CRACDL: variants seen among roughly 807,000 people sequenced by gnomAD.
CRACDL encodes CRACD-like protein.
In CRACDL, 26 loss-of-function variants were observed where a neutral mutation model predicts 70.6. The ratio of observed to expected loss-of-function variants is 0.37; its 90% CI spans 0.27 to 0.51. The LOEUF (loss-of-function observed/expected upper bound fraction) is 0.51. Among genes scored for constraint, CRACDL ranks in the 20% least tolerant of loss-of-function variants. The pLI, the probability that CRACDL is intolerant of heterozygous loss-of-function variation, is 0.94. For missense variants in CRACDL, 1,283 were observed against 1,376.9 expected (o/e 0.93, Z 1.08); for synonymous variants, 618 against 615.2 (o/e 1.00, Z -0.07).
At chr2:98,919,662 A>G (rs745744244) in intron 1 of CRACDL, among the ~76,000 whole-genome samples, 3 of 152,220 alleles carry the variant, frequency 2.0e-5, no homozygotes. Context: ...TAGTAACCAG[A>G]TATATTAACT....
chr2:98,835,667 G>A (rs113824685), intron 3 of CRACDL, among the ~76,000 whole-genome samples: 13 of 152,280 alleles, frequency 8.5e-5, no homozygotes, highest in African/African-American at 2.2e-4. Context: ...AGGGGGCCAC[G>A]TCATTACTCT....
chr2:98,929,492 A>G (rs1709017678), intron 1 of CRACDL, among the ~76,000 whole-genome samples: 1 of 152,168 alleles, frequency 6.6e-6, no homozygotes, highest in South Asian at 2.1e-4. Flanking sequence ...CTCTCTGGTC[A>G]TGTCTCTGTC....
At chr2:98,815,458 A>G (rs1472457777) in intron 7 of CRACDL, among the ~76,000 whole-genome samples, 12 of 152,208 alleles carry the variant, frequency 7.9e-5, no homozygotes, top group Non-Finnish European at 1.5e-4. Flanking sequence ...TAGAAAGCCA[A>G]GGTTTAGCCT....
chr2:98,831,168 A>C (rs1705526614), intron 5 of CRACDL, among the ~76,000 whole-genome samples: 1 of 152,070 alleles, frequency 6.6e-6, no homozygotes, highest in Admixed American at 6.5e-5. Context: ...CTGTCCTCAG[A>C]CCCTGCTCCT....
intron 5 of CRACDL, among the ~76,000 whole-genome samples, chr2:98,831,638 T>A (rs985643968): frequency 2.6e-5 from 4 of 152,204 alleles, no homozygotes; most frequent in African/African-American, 9.7e-5. Context: ...GCAAGTACAG[T>A]GTATGGGCAT....
chr2:98,898,169 G>C (rs908782209), intron 1 of CRACDL, among the ~76,000 whole-genome samples: 3 of 152,222 alleles, frequency 2.0e-5, no homozygotes, highest in African/African-American at 7.2e-5. Context: ...AAAATCCTCT[G>C]TTGGTCCCTT....
chr2:98,870,984 C>T (rs920702416), intron 1 of CRACDL, among the ~76,000 whole-genome samples: 10 of 152,260 alleles, frequency 6.6e-5, no homozygotes, highest in Non-Finnish European at 1.0e-4. Context: ...CCGCGAGATT[C>T]GCGAAGAGCA....
chr2:98,925,579 C>T (rs1228999487), intron 1 of CRACDL, among the ~76,000 whole-genome samples: 1 of 152,152 alleles, frequency 6.6e-6, no homozygotes, highest in Admixed American at 6.5e-5. Context: ...GCAAAGGCAT[C>T]AGGGTTCACC....
At position 98,795,075 on chromosome 2, in the gene CRACDL, ATATTT is replaced by A. The variant is rs1288656640; in HGVS notation, c.2750-409_2750-405del. Among the ~76,000 whole-genome samples, 12 of 24,468 alleles carry A rather than the reference ATATTT, an allele frequency of 4.9e-4. 1 individual carries two copies. The East Asian group carries it at 6.8e-3, about 14-fold the overall frequency. The allele number at this position is 24,468 out of a possible 152,430, so 16.1% of individuals were successfully genotyped here. Reference sequence around the variant, plus strand: ...TATATATATATATATATATATATATATATTTTTTTTTTTTTTTGAGACAGAAGTCT... The same window carrying A: ...TATATATATATATATATATATATATATTTTTTTTTTTTGAGACAGAAGTCT... On this transcript the variant is annotated intron_variant, in intron 9 of 9. Transcript: ENST00000397899.
At chr2:98,884,542 T>C (rs1707750917) in intron 1 of CRACDL, among the ~76,000 whole-genome samples, 1 of 152,212 alleles carries the variant, frequency 6.6e-6, no homozygotes, top group South Asian at 2.1e-4. Flanking sequence ...GATGATCCTA[T>C]ATACACAAAA....
At chr2:98,860,929 A>G (rs1393606547) in intron 1 of CRACDL, among the ~76,000 whole-genome samples, 1 of 152,256 alleles carries the variant, frequency 6.6e-6, no homozygotes, top group African/African-American at 2.4e-5. Context: ...CCATTTAAAA[A>G]CAGACAAAGG....
intron 1 of CRACDL, among the ~76,000 whole-genome samples, chr2:98,920,620 C>G (rs1708780418): frequency 6.6e-6 from 1 of 152,098 alleles, no homozygotes; most frequent in Non-Finnish European, 1.5e-5. Context: ...ACACCGGACC[C>G]CTCTCCCAGC....
In CRACDL at chr2:98,806,785, A is replaced by C. The variant is rs537228802; in HGVS notation, c.2417-9248T>G. On this transcript the variant is annotated intron_variant, in intron 7 of 9. Transcript: ENST00000397899. ...GAAAAATTATTCTACTTACACTTTG[A>C]AATGTACACAAACACCTCACCTTAG... is the stretch of plus-strand genomic sequence containing the variant. 4.6e-5 allele frequency among the ~76,000 whole-genome samples: 7 copies of C among 152,348 alleles called. No individual in the cohort carries two copies. The South Asian group carries it at 1.4e-3, about 32-fold the overall frequency.
intron 2 of CRACDL, among the ~76,000 whole-genome samples, chr2:98,842,280 T>C (rs532888181): frequency 6.6e-6 from 1 of 151,960 alleles, no homozygotes; most frequent in Non-Finnish European, 1.5e-5. Flanking sequence ...TCTGTTGTTA[T>C]AACCACGCAT....
chr2:98,847,280 C>T (rs1242159260), intron 1 of CRACDL, among the ~76,000 whole-genome samples: 2 of 152,152 alleles, frequency 1.3e-5, no homozygotes, highest in African/African-American at 2.4e-5. Context: ...TATTAGGAAG[C>T]TTGACTTCCT....
chr2:98,822,875 C>G lies in CRACDL; in HGVS notation c.1398G>C (p.Thr466=), dbSNP rs761175043. The G allele has an allele frequency of 6.8e-7, 1 of 1,467,754 alleles. No individual in the cohort carries two copies. The highest frequency in any genetic ancestry group is 8.9e-7 in the Non-Finnish European group (1 of 1,120,234). 90.9% of individuals were successfully genotyped at this position (1,467,754 alleles called of 1,614,324 possible). A position where few individuals can be genotyped will look rare whatever the true frequency, so the allele number is the denominator to read the frequency against. ...CGGTCCCCGCTCCTCTCTCGGGCTC[C>G]GTCTCCGCTTCTCTCTCGGGCTCAG... ...PAPEPEREAE[T]EPERGAGTEP... The change falls in exon 7 of 10, where the codon ACG becomes ACC. Residue 466 remains threonine, a synonymous_variant. Transcript: ENST00000397899. This position sits in a 1 kb window ranked among gnomAD's most constrained non-coding sequence, Gnocchi z 4.9.
At position 98,838,302 on chromosome 2, in the gene CRACDL, GA is replaced by G. The variant is rs747615963; in HGVS notation, c.71-16del. ...TTTTTTCTTTCCTATACAGATTAGA[GA>G]AAAAAATAATAAATAAGACTGTTAC... On this transcript the variant is annotated splice_polypyrimidine_tract_variant and intron_variant, in intron 2 of 9. Coordinates refer to ENST00000397899, the MANE Select transcript of CRACDL (RefSeq NM_207362.3). The G allele has an allele frequency of 2.1e-6, 3 of 1,458,206 alleles. No individual in the cohort carries two copies. Among genetic ancestry groups the G allele is most frequent in the African/African-American group, 2.9e-5 (2 of 70,120 alleles). 90.3% of individuals were successfully genotyped at this position (1,458,206 alleles called of 1,614,324 possible). A position where few individuals can be genotyped will look rare whatever the true frequency, so the allele number is the denominator to read the frequency against.
At chr2:98,798,174 G>A (rs995622819) in intron 7 of CRACDL, among the ~76,000 whole-genome samples, 6 of 152,028 alleles carry the variant, frequency 3.9e-5, no homozygotes, top group Non-Finnish European at 8.8e-5. Flanking sequence ...GCAAAACCCC[G>A]TCTCTACTAA....
At chr2:98,860,462 A>G (rs184466966) in intron 1 of CRACDL, among the ~76,000 whole-genome samples, 1 of 152,346 alleles carries the variant, frequency 6.6e-6, no homozygotes, top group East Asian at 1.9e-4. Flanking sequence ...TTCAACAGAA[A>G]TAAACACATA....
Sources: gnomAD v4.1 joint callset for allele counts (sites outside exome capture counted in the v4.1 genomes callset) on GRCh38, gnomAD v4.1.1 for gene constraint, Gnocchi (gnomAD v3.1) non-coding constraint, MANE v1.5 for transcripts, NCBI Gene and HGNC (gene_info 2026-07-23, HGNC 2026-07-21) for gene names.